WIPF3: variants seen among roughly 807,000 people sequenced by gnomAD.
The protein encoded by WIPF3 is WAS/WASL interacting protein family member 3, also known as WAS/WASL-interacting protein family member 3.
A neutral mutation model predicts 38.9 loss-of-function variants in WIPF3; 33 were observed. That is an observed-to-expected ratio of 0.85 (90% CI 0.64 to 1.14). WIPF3 has a LOEUF of 1.14. Among genes scored for constraint, WIPF3 ranks in the 50% most tolerant of loss-of-function variants. The probability of loss-of-function intolerance (pLI) is 0.00; values close to 1 mark genes in which losing one functional copy is unlikely to be tolerated. For synonymous variants in WIPF3, 324 were observed against 269.3 expected (o/e 1.20, Z -1.99); for missense variants, 711 against 652.5 (o/e 1.09, Z -0.98).
chr7:29,885,631 C>T (rs1029852626), intron 5 of WIPF3, among the ~76,000 whole-genome samples: 3 of 152,032 alleles, frequency 2.0e-5, no homozygotes, highest in African/African-American at 4.8e-5. Context: ...GGTAACACAG[C>T]GAAACCCCAT....
chr7:29,885,900 T>G (rs941386991), intron 5 of WIPF3, among the ~76,000 whole-genome samples: 2 of 152,184 alleles, frequency 1.3e-5, no homozygotes, highest in East Asian at 3.8e-4. Context: ...TCTTCAATTC[T>G]TTTTTCTGAA....
intron 1 of WIPF3, among the ~76,000 whole-genome samples, chr7:29,830,251 G>A (rs1306981721): frequency 6.6e-6 from 1 of 151,568 alleles, no homozygotes; most frequent in Non-Finnish European, 1.5e-5. Flanking sequence ...AAACTAGACG[G>A]AAACCAAGGC....
intron 8 of WIPF3, chr7:29,905,135 G>A (rs778424926): frequency 1.3e-5 from 2 of 152,212 alleles, no homozygotes; most frequent in African/African-American, 2.4e-5. Context: ...AGAAGGAAGA[G>A]GCTAGGTTCC....
chr7:29,869,385 A>G (rs1785454718), intron 2 of WIPF3, among the ~76,000 whole-genome samples: 1 of 152,204 alleles, frequency 6.6e-6, no homozygotes, highest in East Asian at 1.9e-4. Context: ...ATCTTAAATA[A>G]TATTGGGTTA....
intron 2 of WIPF3, among the ~76,000 whole-genome samples, chr7:29,838,255 G>A (rs947396318): frequency 1.3e-5 from 2 of 152,014 alleles, no homozygotes; most frequent in African/African-American, 4.8e-5. Flanking sequence ...GGAGTATTAG[G>A]AACTAGGCAC....
intron 2 of WIPF3, among the ~76,000 whole-genome samples, chr7:29,853,935 C>A (rs1212832835): frequency 6.6e-6 from 1 of 152,178 alleles, no homozygotes; most frequent in African/African-American, 2.4e-5. Context: ...AACAAAAGCT[C>A]ACATTTCATT....
chr7:29,890,417 T>G (rs887576100), intron 7 of WIPF3, among the ~76,000 whole-genome samples: 8 of 150,892 alleles, frequency 5.3e-5, no homozygotes, highest in Non-Finnish European at 1.2e-4. Context: ...CCAATTCTTG[T>G]CTGGTACTGG....
intron 7 of WIPF3, among the ~76,000 whole-genome samples, chr7:29,903,338 C>T (rs1480186297): frequency 6.6e-6 from 1 of 151,978 alleles, no homozygotes; most frequent in Non-Finnish European, 1.5e-5. Flanking sequence ...AAAACAGGTG[C>T]TTAGTACTCC....
In WIPF3 at chr7:29,884,495, A is replaced by G. The variant is rs752996548; in HGVS notation, c.1001A>G (p.Gln334Arg). 1.3e-6 allele frequency: 2 copies of G among 1,543,684 alleles called. No individual in the cohort carries two copies. Among genetic ancestry groups the G allele is most frequent in the South Asian group, 2.4e-5 (2 of 84,540 alleles). ...PPLPPKSPSFQAPPQKAGAQA... is the reference protein window; with the variant it reads ...PPLPPKSPSFRAPPQKAGAQA... ...CTACCCCCTAAATCCCCCAGCTTCC[A>G]GGCCCCACCGCAGAAGGCCGGTGCG... The change falls in exon 5 of 9, where the codon CAG becomes CGG. Residue 334 changes from glutamine to arginine, a missense_variant. Transcript: ENST00000242140.
intron 8 of WIPF3, chr7:29,912,752 A>T (rs1786527601): frequency 6.6e-6 from 1 of 152,428 alleles, no homozygotes; most frequent in African/African-American, 2.4e-5. Flanking sequence ...AAAAAGTAGG[A>T]AGTTCTAAAA....
intron 1 of WIPF3, among the ~76,000 whole-genome samples, chr7:29,832,828 A>G (rs1169595333): frequency 6.6e-6 from 1 of 152,226 alleles, no homozygotes; most frequent in Non-Finnish European, 1.5e-5. Context: ...ACTCTTGCAT[A>G]TACGCTGAAA....
chr7:29,845,914 T>C (rs1461072952), intron 2 of WIPF3, among the ~76,000 whole-genome samples: 1 of 152,194 alleles, frequency 6.6e-6, no homozygotes, highest in Non-Finnish European at 1.5e-5. Flanking sequence ...ACCACGATTT[T>C]CCATTTGCCG....
rs1220200827 is a variant in WIPF3, at chr7:29,878,563, G to A, written c.224-446G>A. ...CCTCCTGCCTGCTGTTCTGGTCAGC[G>A]CTCTGTGGACAAGAAGTTAAAATGA... On this transcript the variant is annotated intron_variant, in intron 3 of 8. Transcript: ENST00000242140. The surrounding 1 kb of genome is among the most constrained non-coding windows in gnomAD (Gnocchi z 4.0). 1.3e-5 allele frequency among the ~76,000 whole-genome samples: 2 copies of A among 152,170 alleles called. No homozygotes were observed. The highest frequency in any genetic ancestry group is 2.4e-5 in the African/African-American group (1 of 41,432).
chr7:29,869,843 G>A (rs1785464781), intron 2 of WIPF3, among the ~76,000 whole-genome samples: 1 of 152,188 alleles, frequency 6.6e-6, no homozygotes, highest in African/African-American at 2.4e-5. Context: ...GCACACAGTA[G>A]AACTGCTTGA....
chr7:29,908,580 G>C (rs1464433585), intron 8 of WIPF3, among the ~76,000 whole-genome samples: 2 of 152,164 alleles, frequency 1.3e-5, no homozygotes, highest in Non-Finnish European at 2.9e-5. Context: ...GAGTCCATTT[G>C]TTAGGCCACA....
intron 2 of WIPF3, among the ~76,000 whole-genome samples, chr7:29,842,469 GT>G (rs1030089298): frequency 1.3e-5 from 2 of 152,196 alleles, no homozygotes; most frequent in African/African-American, 4.8e-5. Context: ...ACCCCTAGCT[GT>G]TTTCCTCCCT....
At chr7:29,896,521 T>G (rs1285448168) in intron 7 of WIPF3, among the ~76,000 whole-genome samples, 2 of 151,190 alleles carry the variant, frequency 1.3e-5, no homozygotes, top group African/African-American at 4.9e-5. Flanking sequence ...GAGGCTGAGG[T>G]GGGAGGATTG....
chr7:29,831,889 T>G (rs987534790), intron 1 of WIPF3, among the ~76,000 whole-genome samples: 1 of 152,236 alleles, frequency 6.6e-6, no homozygotes, highest in Admixed American at 6.5e-5. Flanking sequence ...TGGTCACACC[T>G]AGCTGCAAGG....
intron 1 of WIPF3, among the ~76,000 whole-genome samples, chr7:29,817,013 C>T (rs111359716): frequency 3.3e-5 from 5 of 152,220 alleles, no homozygotes; most frequent in African/African-American, 1.2e-4. Flanking sequence ...CTCTCTCCAA[C>T]ACATACATAT....
Sources: gnomAD v4.1 joint callset for allele counts (sites outside exome capture counted in the v4.1 genomes callset) on GRCh38, gnomAD v4.1.1 for gene constraint, Gnocchi (gnomAD v3.1) non-coding constraint, MANE v1.5 for transcripts, NCBI Gene and HGNC (gene_info 2026-07-23, HGNC 2026-07-21) for gene names.